FANCA: variants seen among roughly 807,000 people sequenced by gnomAD.
The protein encoded by FANCA is FA complementation group A.
Under a neutral mutation model 194.3 loss-of-function variants are expected in FANCA, and 236 were observed. The ratio of observed to expected loss-of-function variants is 1.21; its 90% CI spans 1.09 to 1.35. The LOEUF (loss-of-function observed/expected upper bound fraction) is 1.35. Among genes scored for constraint, FANCA ranks in the 40% most tolerant of loss-of-function variants. FANCA has a pLI of 0.00. For missense variants in FANCA, 2,628 were observed against 1,813.9 expected, an observed-to-expected ratio of 1.45 and a Z score of -8.15; for synonymous variants, 1,014 against 715.8, an observed-to-expected ratio of 1.42 and a Z score of -6.65.
At chr16:89,810,049 G>A (rs780376779) in intron 5 of FANCA, among the ~76,000 whole-genome samples, 2 of 150,966 alleles carry the variant, frequency 1.3e-5, no homozygotes, top group African/African-American at 2.4e-5. Flanking sequence ...AATGCCAGGC[G>A]CGGTGGCTCA....
In FANCA at chr16:89,737,615, C is replaced by T. The variant is rs16966023; in HGVS notation, c.*986G>A. The T allele has an allele frequency of 0.019, 20,851 of 1,096,920 alleles. 763 individuals are homozygous for T. Among genetic ancestry groups the T allele is most frequent in the African/African-American group, 0.12 (7,449 of 62,888 alleles). 67.9% of individuals were successfully genotyped at this position (1,096,920 alleles called of 1,614,324 possible). A position where few individuals can be genotyped will look rare whatever the true frequency, so the allele number is the denominator to read the frequency against. ...GAAATGCACACAGCTGATGAAGCCA[C>T]GTGACAGTGTATAAAGCAGTTTAAA... On this transcript the variant is annotated 3_prime_UTR_variant, in exon 43 of 43. Coordinates refer to ENST00000389301, the MANE Select transcript of FANCA (RefSeq NM_000135.4).
At chr16:89,787,282 G>A (rs1279439044) in intron 14 of FANCA, among the ~76,000 whole-genome samples, 93 of 152,230 alleles carry the variant, frequency 6.1e-4, no homozygotes, top group Non-Finnish European at 1.9e-4. Context: ...CCAACACTTT[G>A]GGAGGCTGAG....
At chr16:89,786,875 A>C (rs2039915681) in intron 14 of FANCA, among the ~76,000 whole-genome samples, 1 of 152,154 alleles carries the variant, frequency 6.6e-6, no homozygotes, top group Non-Finnish European at 1.5e-5. Flanking sequence ...TTCAACCTGA[A>C]ATTCTCCCGC....
At chr16:89,759,318 T>TAAAAAAAAAAAAAAGAAAAAAAAA (rs2038866791) in intron 29 of FANCA, among the ~76,000 whole-genome samples, 1 of 75,180 alleles carries the variant, frequency 1.3e-5, no homozygotes, top group Non-Finnish European at 2.6e-5. Context: ...AGACTCCGTC[T>TAAAAAAAAAAAAAAGAAAAAAAAA]AAAAAAAAAA....
intron 22 of FANCA, 80 bp downstream of exon 22, chr16:89,773,191 T>C (rs2039383015): frequency 3.7e-6 from 4 of 1,084,616 alleles, no homozygotes; most frequent in Admixed American, 4.0e-5. Context: ...GATGTCACTA[T>C]GGGGAAAATG....
chr16:89,752,191 C>G lies in FANCA; in HGVS notation c.3013G>C (p.Asp1005His). ...SRSYDHSENS[D>H]LVFGGRTGNE... Reference sequence around the variant, plus strand: ...CCTGTGCGGCCACCAAAGACCAAATCAGAATTTTCTGAGTGGTCATAACTC... The same window carrying G: ...CCTGTGCGGCCACCAAAGACCAAATGAGAATTTTCTGAGTGGTCATAACTC... The change falls in exon 31 of 43, where the codon GAT becomes CAT. Residue 1005 changes from aspartate to histidine, a missense_variant. Coordinates refer to ENST00000389301, the MANE Select transcript of FANCA (RefSeq NM_000135.4). 4 of 1,614,114 alleles carry G rather than the reference C, an allele frequency of 2.5e-6. No homozygotes were observed. In the South Asian group the frequency reaches 3.3e-5, roughly 13 times the overall value.
intron 36 of FANCA, chr16:89,744,677 GT>G: frequency 8.0e-6 from 3 of 376,612 alleles, no homozygotes; most frequent in South Asian, 2.6e-5. Flanking sequence ...TTTTTTTTTT[GT>G]TTTTTTTCTG....
chr16:89,774,754 A>AAAAAAAAAAAAC (rs34932314), intron 21 of FANCA, among the ~76,000 whole-genome samples: 4 of 145,716 alleles, frequency 2.7e-5, no homozygotes, highest in Non-Finnish European at 3.0e-5. Flanking sequence ...AAAAAAAAAA[A>AAAAAAAAAAAAC]TCTCAACGAG....
chr16:89,796,248 C>G (rs968142363), intron 10 of FANCA, among the ~76,000 whole-genome samples: 1 of 152,090 alleles, frequency 6.6e-6, no homozygotes, highest in South Asian at 2.1e-4. Context: ...AGCGAAGGAG[C>G]AGAAGGAAAC....
intron 14 of FANCA, among the ~76,000 whole-genome samples, chr16:89,788,457 A>G (rs999344738): frequency 6.6e-6 from 1 of 151,954 alleles, no homozygotes; most frequent in African/African-American, 2.4e-5. Flanking sequence ...AAAACATAAC[A>G]AAAACAGATG....
In FANCA at chr16:89,748,756, C is replaced by G. The variant is rs752642945; in HGVS notation, c.3251G>C (p.Arg1084Pro). Residue 1084 changes from arginine (R) to proline (P), a missense_variant, in exon 33 of 43, where the codon CGC becomes CCC. Physicochemically the swap from Arg to Pro is moderately radical, Grantham distance 103. Transcript: ENST00000389301. Reference protein sequence around the residue: ...ELLMYKRILLRLPSSVLCGSS... With the variant: ...ELLMYKRILLPLPSSVLCGSS... ...GCCGCAGAGGACAGACGAAGGCAGGCGGAGGAGGATCCTGGAAAGAAGGGG... is the reference window on the plus strand; with the variant it reads ...GCCGCAGAGGACAGACGAAGGCAGGGGGAGGAGGATCCTGGAAAGAAGGGG... 1.2e-6 allele frequency: 2 copies of G among 1,613,774 alleles called. No individual in the cohort carries two copies. The highest frequency in any genetic ancestry group is 2.2e-5 in the South Asian group (2 of 91,062).
At chr16:89,739,733 G>C (rs915634612) in intron 39 of FANCA, 180 bp from the exon 40 acceptor site, 5 of 1,496,262 alleles carry the variant, frequency 3.3e-6, no homozygotes, top group Middle Eastern at 2.1e-4. Flanking sequence ...AGGATGGGGG[G>C]GTCGACCTCT....
At chr16:89,771,536 C>T (rs1043566802) in intron 23 of FANCA, 142 bp downstream of exon 23, 18 of 900,734 alleles carry the variant, frequency 2.0e-5, no homozygotes, top group East Asian at 7.3e-5. Context: ...CCTGGTACAC[C>T]GCTGCCTGGC....
chr16:89,767,990 C>A (rs538898187), intron 26 of FANCA, among the ~76,000 whole-genome samples: 1 of 152,158 alleles, frequency 6.6e-6, no homozygotes, highest in African/African-American at 2.4e-5. Context: ...TGGCCCAGCC[C>A]TCGGTTTATT....
At chr16:89,798,055 A>G (rs933423814) in intron 10 of FANCA, among the ~76,000 whole-genome samples, 2 of 152,142 alleles carry the variant, frequency 1.3e-5, no homozygotes, top group African/African-American at 4.8e-5. Context: ...TATCCCCACA[A>G]AGTTCCTCTG....
chr16:89,739,887 A>T (rs981626157), intron 39 of FANCA, 107 bp downstream of exon 39: 197 of 1,565,282 alleles, frequency 1.3e-4, no homozygotes, highest in South Asian at 5.3e-4. Context: ...GGAGCTTATA[A>T]ACTTACTTAG....
intron 21 of FANCA, among the ~76,000 whole-genome samples, chr16:89,774,992 G>A (rs1350517216): frequency 6.6e-6 from 1 of 151,790 alleles, no homozygotes; most frequent in African/African-American, 2.4e-5. Flanking sequence ...TATTACAGAG[G>A]CTGAGGCAGG....
intron 36 of FANCA, 91 bp downstream of exon 36, chr16:89,744,868 C>G (rs2062208188): frequency 5.7e-6 from 7 of 1,234,616 alleles, no homozygotes; most frequent in Non-Finnish European, 4.6e-6. Context: ...CACCGCTTCT[C>G]TCAAGCAAGC....
rs556658051 is a variant in FANCA, at chr16:89,760,948, G to C, written c.2852+1001C>G. Among the ~76,000 whole-genome samples the C allele has an allele frequency of 2.6e-5, 4 of 152,236 alleles. No homozygotes were observed. The South Asian group carries it at 8.3e-4, about 32-fold the overall frequency. ...AGCAGCCATAGCCCAGCCAGGGTAG[G>C]GTGAAGTCTAAGTGGGTGCCTTATA... On this transcript the variant is annotated intron_variant, in intron 29 of 42. Transcript: ENST00000389301.
Sources: allele counts gnomAD v4.1 joint callset (sites outside exome capture counted in the v4.1 genomes callset), GRCh38; gene constraint gnomAD v4.1.1; transcripts MANE v1.5; gene names NCBI Gene and HGNC (gene_info 2026-07-23, HGNC 2026-07-21).